The following PTPRN2 variants were observed in gnomAD, a reference collection of about 807,000 sequenced individuals.
PTPRN2 encodes receptor-type tyrosine-protein phosphatase N2.
PTPRN2 carries 74 observed loss-of-function variants against 118.8 expected under a neutral mutation model. The ratio of observed to expected loss-of-function variants is 0.62; its 90% CI spans 0.52 to 0.76. The LOEUF is 0.76. PTPRN2 is among the 30% of genes least tolerant of loss of function. The pLI, the probability that PTPRN2 is intolerant of heterozygous loss-of-function variation, is 0.00. For synonymous variants in PTPRN2, 641 were observed against 608.0 expected (o/e 1.05, Z -0.80); for missense variants, 1,481 against 1,394.4 (o/e 1.06, Z -0.99).
intron 6 of PTPRN2, among the ~76,000 whole-genome samples, chr7:158,153,182 C>G (rs1217484992): frequency 1.3e-5 from 2 of 152,156 alleles, no homozygotes; most frequent in South Asian, 2.1e-4. Flanking sequence ...ATCAAGCATT[C>G]GGACTCCAGG....
chr7:158,420,581 T>G (rs1815166215), intron 2 of PTPRN2, among the ~76,000 whole-genome samples: 1 of 152,190 alleles, frequency 6.6e-6, no homozygotes, highest in Non-Finnish European at 1.5e-5. Context: ...ACAAATATCG[T>G]GCATAAGCAA....
At chr7:157,878,066 C>A (rs1170678649) in intron 12 of PTPRN2, among the ~76,000 whole-genome samples, 2 of 152,236 alleles carry the variant, frequency 1.3e-5, no homozygotes, top group Non-Finnish European at 2.9e-5. Flanking sequence ...AAGGGCCTGC[C>A]CGTGTTCCTT....
chr7:157,659,595 C>G (rs1795794161), intron 13 of PTPRN2, among the ~76,000 whole-genome samples: 1 of 151,670 alleles, frequency 6.6e-6, no homozygotes, highest in African/African-American at 2.4e-5. Context: ...TCCTTCTTTC[C>G]CATACATCTT....
chr7:157,819,973 C>T (rs1158041596), intron 12 of PTPRN2, among the ~76,000 whole-genome samples: 1 of 151,722 alleles, frequency 6.6e-6, no homozygotes, highest in East Asian at 1.9e-4. Context: ...CAAACACGTT[C>T]ACACGCACAA....
intron 12 of PTPRN2, among the ~76,000 whole-genome samples, chr7:157,684,302 G>T (rs1797056055): frequency 6.6e-6 from 1 of 151,714 alleles, no homozygotes; most frequent in African/African-American, 2.4e-5. Flanking sequence ...GAGGAGGACC[G>T]CGAGGTTCTC....
In PTPRN2 at chr7:157,609,683, A is replaced by G. The variant is rs1045560064; in HGVS notation, c.2345-5608T>C. The stretch of plus-strand genomic sequence containing the variant: ...TTCAGTGTTCGGAGAATGCAGGATG[A>G]TAACATACAACTCACAGCACTGTTG... On this transcript the variant is annotated intron_variant, in intron 15 of 22. Coordinates refer to ENST00000389418, the MANE Select transcript of PTPRN2 (RefSeq NM_002847.5). This position sits in a 1 kb window ranked among gnomAD's most constrained non-coding sequence, Gnocchi z 4.9. 1.1e-4 allele frequency among the ~76,000 whole-genome samples: 16 copies of G among 152,326 alleles called. No individual in the cohort carries two copies. The highest frequency in any genetic ancestry group is 3.8e-4 in the African/African-American group (16 of 41,574).
chr7:158,299,948 C>T (rs1161375615), intron 3 of PTPRN2, among the ~76,000 whole-genome samples: 1 of 152,190 alleles, frequency 6.6e-6, no homozygotes. Flanking sequence ...TCTGGAAAGG[C>T]CTTTTCCGGT....
Position 158,575,224 on chromosome 7 carries a change from A to G in PTPRN2, c.112+12334T>C, listed in dbSNP as rs546162605. Reference sequence around the variant, plus strand: ...GTGAAATCACCTGTAACAATCTGGGACATTCTTTTTTTTCATAGTGCTTGA... The same window carrying G: ...GTGAAATCACCTGTAACAATCTGGGGCATTCTTTTTTTTCATAGTGCTTGA... On this transcript the variant is annotated intron_variant, in intron 1 of 22. Transcript: ENST00000389418. 2.0e-5 allele frequency among the ~76,000 whole-genome samples: 3 copies of G among 152,312 alleles called. No homozygotes were observed. The East Asian group carries it at 5.8e-4, about 29-fold the overall frequency.
intron 2 of PTPRN2, among the ~76,000 whole-genome samples, chr7:158,463,381 CATT>C (rs993089519): frequency 1.3e-5 from 2 of 151,780 alleles, no homozygotes; most frequent in Non-Finnish European, 2.9e-5. Context: ...ATCTCATCAT[CATT>C]ATCATTACCA....
At chr7:158,560,080 C>T (rs971342646) in intron 1 of PTPRN2, among the ~76,000 whole-genome samples, 8 of 152,236 alleles carry the variant, frequency 5.3e-5, no homozygotes, top group Non-Finnish European at 1.0e-4. Context: ...TCGTATCAAA[C>T]AGCATTTGTC....
intron 5 of PTPRN2, among the ~76,000 whole-genome samples, chr7:158,171,308 C>CAGATATAT (rs1404282409): frequency 2.1e-5 from 1 of 48,678 alleles, no homozygotes; most frequent in Non-Finnish European, 3.7e-5. Context: ...TATATACACA[C>CAGATATAT]ATATATATAT....
chr7:158,569,253 G>A (rs1477923399), intron 1 of PTPRN2, among the ~76,000 whole-genome samples: 1 of 152,238 alleles, frequency 6.6e-6, no homozygotes, highest in Non-Finnish European at 1.5e-5. Context: ...GCCGTGCCCT[G>A]GAGGCTCCTG....
intron 11 of PTPRN2, among the ~76,000 whole-genome samples, chr7:157,934,469 C>T (rs1019396437): frequency 2.0e-5 from 3 of 152,250 alleles, no homozygotes; most frequent in African/African-American, 7.2e-5. Flanking sequence ...TATGAGTCAA[C>T]TGGCACATCG....
chr7:157,775,962 C>T (rs1236408081), intron 12 of PTPRN2, among the ~76,000 whole-genome samples: 1 of 151,992 alleles, frequency 6.6e-6, no homozygotes, highest in Non-Finnish European at 1.5e-5. Context: ...CAGAGGTGTG[C>T]ATAGGTGGGC....
chr7:158,181,612 A>T (rs1365794445), intron 5 of PTPRN2, among the ~76,000 whole-genome samples: 1 of 151,944 alleles, frequency 6.6e-6, no homozygotes, highest in Non-Finnish European at 1.5e-5. Context: ...ATTCAATCTC[A>T]CTGCTTGTTA....
intron 11 of PTPRN2, among the ~76,000 whole-genome samples, chr7:157,900,360 G>C (rs963627340): frequency 6.6e-6 from 1 of 152,232 alleles, no homozygotes; most frequent in Admixed American, 6.5e-5. Flanking sequence ...TTGACCTGCA[G>C]ACTGTGGTTG....
chr7:158,570,113 A>AG lies in PTPRN2; in HGVS notation c.112+17444dup, dbSNP rs1827922136. On this transcript the variant is annotated intron_variant, in intron 1 of 22. Coordinates refer to ENST00000389418, the MANE Select transcript of PTPRN2 (RefSeq NM_002847.5). The surrounding 1 kb of genome is among the most constrained non-coding windows in gnomAD (Gnocchi z 4.5). Reference sequence around the variant, plus strand: ...CCCGAGAAGCCGCCGCGCCGGGCTGAGATCGGGCCCCAGGCTCTCCGCGGA... The same window carrying AG: ...CCCGAGAAGCCGCCGCGCCGGGCTGAGGATCGGGCCCCAGGCTCTCCGCGGA... Among the ~76,000 whole-genome samples the AG allele has an allele frequency of 6.6e-6, 1 of 151,952 alleles. No individual in the cohort carries two copies. Among genetic ancestry groups the AG allele is most frequent in the African/African-American group, 2.4e-5 (1 of 41,376 alleles).
At chr7:158,484,834 G>A (rs1221046117) in intron 2 of PTPRN2, among the ~76,000 whole-genome samples, 3 of 152,202 alleles carry the variant, frequency 2.0e-5, no homozygotes, top group Non-Finnish European at 4.4e-5. Context: ...GTTCCTGGTG[G>A]TTTTCTGCCC....
chr7:158,155,813 A>T (rs1207855564), intron 6 of PTPRN2, among the ~76,000 whole-genome samples: 3 of 152,166 alleles, frequency 2.0e-5, no homozygotes, highest in African/African-American at 7.2e-5. Context: ...CATCACCACC[A>T]TCATCACCAT....
Sources: allele counts gnomAD v4.1 joint callset (sites outside exome capture counted in the v4.1 genomes callset), GRCh38; gene constraint gnomAD v4.1.1; non-coding constraint Gnocchi (gnomAD v3.1); transcripts MANE v1.5; gene names NCBI Gene and HGNC (gene_info 2026-07-23, HGNC 2026-07-21).